Variants in ZNF708 observed in about 807,000 individuals in gnomAD.
ZNF708 encodes the protein ZNF15, ZNF15L1.
Under a neutral mutation model 47.0 loss-of-function variants are expected in ZNF708, and 44 were observed. The ratio of observed to expected loss-of-function variants is 0.94; its 90% CI spans 0.74 to 1.20. The LOEUF (loss-of-function observed/expected upper bound fraction) is 1.20, where lower values mean the gene tolerates loss of function less well. Among genes scored for constraint, ZNF708 ranks in the 50% most tolerant of loss-of-function variants. ZNF708 has a pLI of 0.00. For missense variants in ZNF708, 557 were observed against 656.0 expected (o/e 0.85, Z 1.65); for synonymous variants, 184 against 218.5 (o/e 0.84, Z 1.39).
Position 21,326,759 on chromosome 19 carries a change from C to T in ZNF708, c.3+2451G>A, listed in dbSNP as rs149367887. 1.0e-3 allele frequency among the ~76,000 whole-genome samples: 158 copies of T among 151,906 alleles called. 3 individuals carry two copies. The highest frequency in any genetic ancestry group is 3.6e-3 in the African/African-American group (148 of 41,438). On this transcript the variant is annotated intron_variant, in intron 1 of 3. Transcript: ENST00000356929. ...CAGCCTGGCCAACATGGAGAAACCC[C>T]GTTCTCTACAAAAAATACAAAAATT...
At chr19:21,321,089 A>G (rs11882553) in intron 1 of ZNF708, among the ~76,000 whole-genome samples, 1 of 151,658 alleles carries the variant, frequency 6.6e-6, no homozygotes. Context: ...TGCAGTGAGC[A>G]GAGATCGTGC....
chr19:21,302,344 G>A (rs1467718162), intron 3 of ZNF708, among the ~76,000 whole-genome samples: 2 of 151,990 alleles, frequency 1.3e-5, no homozygotes, highest in Non-Finnish European at 2.9e-5. Context: ...AATAACTACT[G>A]AAAAATATAA....
At chr19:21,312,187 C>T (rs534947834) in intron 1 of ZNF708, among the ~76,000 whole-genome samples, 8 of 151,978 alleles carry the variant, frequency 5.3e-5, no homozygotes, top group Non-Finnish European at 8.8e-5. Context: ...CCCAGCTACT[C>T]GAGAGGGTGA....
chr19:21,323,861 T>C (rs1394725794), intron 1 of ZNF708, among the ~76,000 whole-genome samples: 1 of 152,222 alleles, frequency 6.6e-6, no homozygotes, highest in Non-Finnish European at 1.5e-5. Flanking sequence ...AAAATTTTTT[T>C]GCAGGCTCAA....
At chr19:21,305,793 T>C (rs900465751) in intron 3 of ZNF708, among the ~76,000 whole-genome samples, 1 of 152,036 alleles carries the variant, frequency 6.6e-6, no homozygotes, top group African/African-American at 2.4e-5. Context: ...AAACTATAGA[T>C]AAACACCCTT....
In ZNF708 at chr19:21,294,402, T is replaced by C; in HGVS notation, c.564A>G (p.Ile188Met). The change falls in exon 4 of 4, where the codon ATA (isoleucine) becomes ATG (methionine). Residue 188 changes from isoleucine to methionine, a missense_variant. Physicochemically the swap from Ile to Met is conservative, Grantham distance 10. Transcript: ENST00000356929. ...CMLSQLTQHEIIHTGEKPYKC... is the reference protein window; with the variant it reads ...CMLSQLTQHEMIHTGEKPYKC... ...TGTAGGGTTTTTCTCCAGTATGAAT[T>C]ATCTCATGTTGAGTTAGTTGTGAAA... 3 of 1,614,184 alleles carry C rather than the reference T, an allele frequency of 1.9e-6. No individual in the cohort carries two copies. Among genetic ancestry groups the C allele is most frequent in the Non-Finnish European group, 2.5e-6 (3 of 1,180,004 alleles).
chr19:21,314,773 AC>A (rs1265337782), intron 1 of ZNF708, among the ~76,000 whole-genome samples: 1 of 152,208 alleles, frequency 6.6e-6, no homozygotes, highest in African/African-American at 2.4e-5. Flanking sequence ...AAGGGAAGGA[AC>A]AAACACAGGA....
chr19:21,323,965 C>T (rs189968890), intron 1 of ZNF708, among the ~76,000 whole-genome samples: 14 of 152,278 alleles, frequency 9.2e-5, no homozygotes, highest in Non-Finnish European at 1.6e-4. Context: ...TTTAGCCGGG[C>T]GCAGTGGCTC....
rs1371433440 is a variant in ZNF708, at chr19:21,307,158, T to TATAAA, written c.226+2083_226+2087dup. Among the ~76,000 whole-genome samples, 487 of 113,690 alleles carry TATAAA rather than the reference T, an allele frequency of 4.3e-3. 2 individuals carry two copies. Among genetic ancestry groups the TATAAA allele is most frequent in the African/African-American group, 0.014 (456 of 32,206 alleles). 74.6% of individuals were successfully genotyped at this position (113,690 alleles called of 152,430 possible). ...TAAAATAAAATAAAATAAAATATAA[T>TATAAA]ATAAAATAAAATAAAATAAAATACA... is the stretch of plus-strand genomic sequence containing the variant. On this transcript the variant is annotated intron_variant, in intron 3 of 3. Coordinates refer to ENST00000356929, the MANE Select transcript of ZNF708 (RefSeq NM_021269.3).
At chr19:21,322,226 G>A (rs140055651) in intron 1 of ZNF708, among the ~76,000 whole-genome samples, 60 of 152,246 alleles carry the variant, frequency 3.9e-4, no homozygotes, top group African/African-American at 1.4e-3. Context: ...TTTGTGAGTG[G>A]CTGGGAATCC....
At chr19:21,295,465 G>A (rs1221749468) in intron 3 of ZNF708, among the ~76,000 whole-genome samples, 2 of 152,084 alleles carry the variant, frequency 1.3e-5, no homozygotes, top group African/African-American at 4.8e-5. Flanking sequence ...TTGTGACAGG[G>A]CCGGGCACAG....
intron 3 of ZNF708, among the ~76,000 whole-genome samples, chr19:21,308,653 C>T (rs1427097720): frequency 6.6e-6 from 1 of 152,074 alleles, no homozygotes; most frequent in Non-Finnish European, 1.5e-5. Context: ...TTAAGGGATC[C>T]TTCTGCCTTG....
In ZNF708 at chr19:21,293,157, A is replaced by C; in HGVS notation, c.*117T>G. ...AGTATGAATTATCTTTTGTTTCATA[A>C]GGATTAAGAGCCAGTTAAAGGCTTT... On this transcript the variant is annotated 3_prime_UTR_variant, in exon 4 of 4. Coordinates refer to ENST00000356929, the MANE Select transcript of ZNF708 (RefSeq NM_021269.3). 8.1e-7 allele frequency: 1 copy of C among 1,229,372 alleles called. No individual in the cohort carries two copies. 76.2% of individuals were successfully genotyped at this position (1,229,372 alleles called of 1,614,324 possible).
chr19:21,309,196 T>C lies in ZNF708; in HGVS notation c.226+50A>G, dbSNP rs1458488142. 3.4e-6 allele frequency: 5 copies of C among 1,478,280 alleles called. No individual in the cohort carries two copies. In the Admixed American group the frequency reaches 1.1e-4, roughly 32 times the overall value. The allele number at this position is 1,478,280 out of a possible 1,614,324, so 91.6% of individuals were successfully genotyped here. On this transcript the variant is annotated intron_variant, in intron 3 of 3. Coordinates refer to ENST00000356929, the MANE Select transcript of ZNF708 (RefSeq NM_021269.3). ...AATTTTAAGGACTGGTTTTCTCTTT[T>C]ACCTTTGGACCTCACATCTGTGTCA... is the stretch of plus-strand genomic sequence containing the variant.
intron 1 of ZNF708, among the ~76,000 whole-genome samples, chr19:21,317,271 C>T (rs2928196): frequency 7.9e-5 from 12 of 152,214 alleles, no homozygotes; most frequent in African/African-American, 2.6e-4. Flanking sequence ...TGCAGTGAGA[C>T]TCCATCTCAA....
rs112748413 is a variant in ZNF708, at chr19:21,327,722, C to CT, written c.3+1487dup. Among the ~76,000 whole-genome samples the CT allele has an allele frequency of 3.3e-3, 496 of 149,360 alleles. 4 individuals carry two copies. The highest frequency in any genetic ancestry group is 9.9e-3 in the African/African-American group (404 of 40,852). ...AGGTTTTTCTTTGTCTTTTGGGATA[C>CT]TTTTTTTTTTCCACAAAATTTAGAG... On this transcript the variant is annotated intron_variant, in intron 1 of 3. Transcript: ENST00000356929.
chr19:21,295,923 A>T (rs1363966222), intron 3 of ZNF708, among the ~76,000 whole-genome samples: 2 of 152,172 alleles, frequency 1.3e-5, no homozygotes, highest in Non-Finnish European at 2.9e-5. Flanking sequence ...ATTAAATACT[A>T]CACAGTGAAT....
chr19:21,314,920 T>A (rs1245399942), intron 1 of ZNF708, among the ~76,000 whole-genome samples: 2 of 152,170 alleles, frequency 1.3e-5, no homozygotes, highest in Non-Finnish European at 2.9e-5. Flanking sequence ...GACCCTGGGC[T>A]GATGGTCCAA....
rs544489027 is a variant in ZNF708 at position 21,306,953 on chromosome 19, AATAACATAACATAACATAACATAAC to A, written c.226+2268_226+2292del. 621 of 134,582 alleles carry A rather than the reference AATAACATAACATAACATAACATAAC, an allele frequency of 4.6e-3. 8 individuals carry two copies. Among genetic ancestry groups the A allele is most frequent in the African/African-American group, 0.016 (567 of 35,222 alleles). 8.3% of individuals were successfully genotyped at this position (134,582 alleles called of 1,614,324 possible). ...CAGCAAAACTCCATCTCAAAAGAAAAATAACATAACATAACATAACATAACATAACATAACATAACATAACATAAC... is the reference window on the plus strand; with the variant it reads ...CAGCAAAACTCCATCTCAAAAGAAAAATAACATAACATAACATAACATAAC... On this transcript the variant is annotated intron_variant, in intron 3 of 3. Transcript: ENST00000356929.
Sources: gnomAD v4.1 joint callset for allele counts (sites outside exome capture counted in the v4.1 genomes callset) on GRCh38, gnomAD v4.1.1 for gene constraint, MANE v1.5 for transcripts, NCBI Gene and HGNC (gene_info 2026-07-23, HGNC 2026-07-21) for gene names.